Variants in SH3BP5 observed in about 807,000 individuals in gnomAD.
SH3BP5 encodes the protein SH3 domain-binding protein 5.
In SH3BP5, 22 loss-of-function variants were observed where a neutral mutation model predicts 43.3. The ratio of observed to expected loss-of-function variants is 0.51; its 90% CI spans 0.36 to 0.73. The LOEUF (loss-of-function observed/expected upper bound fraction) is 0.73. SH3BP5 is among the 30% of genes least tolerant of loss of function. The pLI is 0.00. For synonymous variants in SH3BP5, 255 were observed against 225.8 expected (o/e 1.13, Z -1.16); for missense variants, 529 against 586.9 (o/e 0.90, Z 1.02).
Position 15,287,845 on chromosome 3 carries a change from G to A in SH3BP5, c.330+16258C>T, listed in dbSNP as rs111704254. 1.4e-4 allele frequency among the ~76,000 whole-genome samples: 21 copies of A among 152,306 alleles called. 2 individuals are homozygous for A. The highest frequency in any genetic ancestry group is 4.3e-4 in the African/African-American group (18 of 41,566). ...CACAGCACAGAGAAGTCCAGATGCC[G>A]AAAGACAAGAGGGGCCAGGCCAGGC... On this transcript the variant is annotated intron_variant, in intron 3 of 8. Coordinates refer to ENST00000383791, the MANE Select transcript of SH3BP5 (RefSeq NM_004844.5).
At chr3:15,321,641 C>T (rs1416286386) in intron 2 of SH3BP5, among the ~76,000 whole-genome samples, 1 of 113,730 alleles carries the variant, frequency 8.8e-6, no homozygotes, top group Non-Finnish European at 1.8e-5. Context: ...GCATCCTCAG[C>T]AGCTAGCAAC....
chr3:15,319,133 A>T (rs367955511), intron 2 of SH3BP5, among the ~76,000 whole-genome samples: 8 of 152,218 alleles, frequency 5.3e-5, no homozygotes, highest in African/African-American at 1.7e-4. Flanking sequence ...GGCTCCACTA[A>T]TTTTTTCTAA....
At chr3:15,308,582 G>A (rs918950972) in intron 2 of SH3BP5, among the ~76,000 whole-genome samples, 10 of 152,160 alleles carry the variant, frequency 6.6e-5, no homozygotes, top group African/African-American at 1.7e-4. Context: ...CAGCACGGAC[G>A]GACGGGCTGG....
rs778111858 is a variant in SH3BP5 at position 15,262,242 on chromosome 3, C to T, written c.543G>A (p.Lys181=). ...CGGCATTGTACCTGGCTGCCGTCTC[C>T]TTATGCACCAGCTCGCTCCTGGTCT... ...QTKTRSELVH[K]ETAARYNAAM... Residue 181 remains lysine, a synonymous_variant, in exon 5 of 9, where the codon AAG becomes AAA. Coordinates refer to ENST00000383791, the MANE Select transcript of SH3BP5 (RefSeq NM_004844.5). 2 of 1,614,092 alleles carry T rather than the reference C, an allele frequency of 1.2e-6. No homozygotes were observed.
intron 2 of SH3BP5, among the ~76,000 whole-genome samples, chr3:15,309,280 A>T (rs1277566081): frequency 6.6e-6 from 1 of 152,172 alleles, no homozygotes; most frequent in Non-Finnish European, 1.5e-5. Flanking sequence ...GGGATAGTAT[A>T]GGGCTTTTTG....
intron 2 of SH3BP5, among the ~76,000 whole-genome samples, chr3:15,327,629 C>T (rs372984641): frequency 3.9e-5 from 6 of 152,314 alleles, no homozygotes; most frequent in South Asian, 4.1e-4. Context: ...TTATTACCCC[C>T]GCTCTGCTAC....
intron 2 of SH3BP5, among the ~76,000 whole-genome samples, chr3:15,325,678 C>T (rs190093075): frequency 8.5e-5 from 13 of 152,228 alleles, no homozygotes; most frequent in African/African-American, 3.1e-4. Context: ...GTCCCCATCA[C>T]CGAAAATTGC....
intron 3 of SH3BP5, among the ~76,000 whole-genome samples, chr3:15,303,056 C>G (rs1697797291): frequency 6.6e-6 from 1 of 152,170 alleles, no homozygotes; most frequent in South Asian, 2.1e-4. Flanking sequence ...GATCTGCCCA[C>G]CAAGTGATCG....
chr3:15,332,379 C>G lies in SH3BP5; in HGVS notation c.30G>C (p.Ser10=). The change falls in exon 1 of 9, where the codon TCG becomes TCC. Residue 10 remains serine (S), a synonymous_variant. Transcript: ENST00000383791. The part of the protein sequence containing the change: MDAALKRSR[S]EEPAEILPPA... Reference sequence around the variant, plus strand: ...GCGGCAGGATTTCGGCTGGCTCCTCCGAGCGGCTCCGCTTCAGTGCCGCGT... The same window carrying G: ...GCGGCAGGATTTCGGCTGGCTCCTCGGAGCGGCTCCGCTTCAGTGCCGCGT... 2.0e-6 allele frequency: 3 copies of G among 1,538,354 alleles called. No homozygotes were observed. The highest frequency in any genetic ancestry group is 8.7e-7 in the Non-Finnish European group (1 of 1,147,486).
intron 2 of SH3BP5, among the ~76,000 whole-genome samples, chr3:15,330,193 C>T (rs189799326): frequency 6.6e-6 from 1 of 152,178 alleles, no homozygotes; most frequent in Non-Finnish European, 1.5e-5. Context: ...TTAAAGAGTT[C>T]GGCTAATTTT....
At chr3:15,320,236 G>A (rs1422769092) in intron 2 of SH3BP5, among the ~76,000 whole-genome samples, 1 of 151,962 alleles carries the variant, frequency 6.6e-6, no homozygotes, top group Non-Finnish European at 1.5e-5. Flanking sequence ...AATAAACAGC[G>A]GATATTCCTC....
chr3:15,303,980 C>G (rs1697826587), intron 3 of SH3BP5, 123 bp downstream of exon 3: 2 of 762,550 alleles, frequency 2.6e-6, no homozygotes, highest in South Asian at 3.2e-5. Flanking sequence ...CGGTGGGTCA[C>G]TGCATTTAAG....
intron 2 of SH3BP5, among the ~76,000 whole-genome samples, chr3:15,327,959 C>G (rs916504618): frequency 6.6e-6 from 1 of 152,160 alleles, no homozygotes; most frequent in Non-Finnish European, 1.5e-5. Context: ...TGAAATTGTA[C>G]TGTCTTGGAT....
chr3:15,307,856 C>T (rs1697953533), intron 2 of SH3BP5, among the ~76,000 whole-genome samples: 2 of 152,234 alleles, frequency 1.3e-5, no homozygotes, highest in African/African-American at 4.8e-5. Flanking sequence ...GATCGGTTAG[C>T]GTGTGGCCTA....
rs1200503217 is a variant in SH3BP5 at position 15,255,112 on chromosome 3, TCTTAACA to T, written c.*967_*973del. Reference sequence around the variant, plus strand: ...CCATGAAAACGTTAAAGAAAAGCAGTCTTAACACTTAACTACTATTAACAGCCTTTGC... The same window carrying T: ...CCATGAAAACGTTAAAGAAAAGCAGTCTTAACTACTATTAACAGCCTTTGC... On this transcript the variant is annotated 3_prime_UTR_variant, in exon 9 of 9. Coordinates refer to ENST00000383791, the MANE Select transcript of SH3BP5 (RefSeq NM_004844.5). The T allele has an allele frequency of 6.6e-5, 10 of 152,614 alleles. No homozygotes were observed. Among genetic ancestry groups the T allele is most frequent in the African/African-American group, 2.4e-4 (10 of 41,436 alleles). The allele number at this position is 152,614 out of a possible 1,614,324, so 9.5% of individuals were successfully genotyped here. A position where few individuals can be genotyped will look rare whatever the true frequency, so the allele number is the denominator to read the frequency against.
chr3:15,304,438 A>AGTGTGGCGGCCACCAGCCAC (rs1339075770), intron 2 of SH3BP5: 1 of 755,068 alleles, frequency 1.3e-6, no homozygotes, highest in South Asian at 1.5e-5. Flanking sequence ...TGCACAGTGC[A>AGTGTGGCGGCCACCAGCCAC]GTGTGGCGGC....
At chr3:15,323,163 T>TAAATAAATAAAA (rs1481281253) in intron 2 of SH3BP5, among the ~76,000 whole-genome samples, 1 of 144,056 alleles carries the variant, frequency 6.9e-6, no homozygotes, top group African/African-American at 2.6e-5. Context: ...AATAAATAAA[T>TAAATAAATAAAA]AAAGCAGGGC....
At chr3:15,265,023 C>T (rs1271119675) in intron 4 of SH3BP5, among the ~76,000 whole-genome samples, 1 of 151,914 alleles carries the variant, frequency 6.6e-6, no homozygotes, top group Non-Finnish European at 1.5e-5. Flanking sequence ...CACAGGCCCT[C>T]ATTCTATCTT....
intron 3 of SH3BP5, among the ~76,000 whole-genome samples, chr3:15,302,344 A>G (rs1697777154): frequency 6.6e-6 from 1 of 152,164 alleles, no homozygotes; most frequent in South Asian, 2.1e-4. Context: ...CTGGAGATGG[A>G]AAAAGGGAGT....
Sources: gnomAD v4.1 joint callset for allele counts (sites outside exome capture counted in the v4.1 genomes callset) on GRCh38, gnomAD v4.1.1 for gene constraint, MANE v1.5 for transcripts, NCBI Gene and HGNC (gene_info 2026-07-23, HGNC 2026-07-21) for gene names.